RBFOX1: variants seen among roughly 807,000 people sequenced by gnomAD.
RBFOX1 encodes RNA binding protein fox-1 homolog 1.
RBFOX1 carries 8 observed loss-of-function variants against 57.7 expected under a neutral mutation model. The ratio of observed to expected loss-of-function variants is 0.14; its 90% CI spans 0.08 to 0.25. The LOEUF is 0.25. Among genes scored for constraint, RBFOX1 ranks in the 10% least tolerant of loss-of-function variants. The pLI is 1.00. For missense variants in RBFOX1, 611 were observed against 548.5 expected (o/e 1.11, Z -1.14); for synonymous variants, 326 against 222.4 (o/e 1.47, Z -4.15).
chr16:5,523,908 A>C (rs1175437668), intron 2 of RBFOX1, among the ~76,000 whole-genome samples: 1 of 152,188 alleles, frequency 6.6e-6, no homozygotes, highest in Non-Finnish European at 1.5e-5. Flanking sequence ...TCGGCTGCAC[A>C]GGGACGGACC....
intron 4 of RBFOX1, among the ~76,000 whole-genome samples, chr16:7,297,522 A>G (rs7202496): frequency 0.046 from 6,992 of 152,236 alleles, 377 homozygotes; most frequent in African/African-American, 0.14. Context: ...CTAAGGTGCT[A>G]TGTAGCTTAG....
chr16:7,654,861 T>A (rs1252431399), intron 12 of RBFOX1, among the ~76,000 whole-genome samples: 1 of 152,012 alleles, frequency 6.6e-6, no homozygotes, highest in African/African-American at 2.4e-5. Context: ...TTGGGTAGAG[T>A]CTAGGGATGT....
intron 4 of RBFOX1, among the ~76,000 whole-genome samples, chr16:7,369,973 C>G (rs184388630): frequency 2.4e-3 from 368 of 152,258 alleles, no homozygotes; most frequent in African/African-American, 8.4e-3. Flanking sequence ...TGTGTCAGAG[C>G]CTTGAGCTAG....
At chr16:5,892,536 G>C (rs755525421) in intron 4 of RBFOX1, among the ~76,000 whole-genome samples, 1 of 152,166 alleles carries the variant, frequency 6.6e-6, no homozygotes, top group Non-Finnish European at 1.5e-5. Context: ...AAGAGAAGGA[G>C]GTCATAAAGC....
chr16:7,040,103 C>G (rs901105650), intron 3 of RBFOX1, among the ~76,000 whole-genome samples: 2 of 151,914 alleles, frequency 1.3e-5, no homozygotes, highest in Non-Finnish European at 2.9e-5. Context: ...TCACTGCAAC[C>G]TCTGCCTCCC....
rs1250918040 is a variant in RBFOX1 at position 7,709,113 on chromosome 16, C to T, written c.1053C>T (p.Thr351=). 1.2e-6 allele frequency: 2 copies of T among 1,613,472 alleles called. No individual in the cohort carries two copies. Among genetic ancestry groups the T allele is most frequent in the Admixed American group, 3.3e-5 (2 of 59,934 alleles). The change falls in exon 15 of 16, where the codon ACC becomes ACT. Residue 351 remains threonine (T), a synonymous_variant. Coordinates refer to ENST00000550418, the MANE Select transcript of RBFOX1 (RefSeq NM_018723.4). The stretch of plus-strand genomic sequence containing the variant: ...ACCACGCACTTGCTCCAGCCCCCAC[C>T]TACGGCGTTGGTGCCATGGTGAGTA... ...PYHHALAPAP[T]YGVGAMNAFA...
intron 3 of RBFOX1, among the ~76,000 whole-genome samples, chr16:5,683,656 C>G (rs546127352): frequency 2.0e-5 from 3 of 151,984 alleles, no homozygotes; most frequent in East Asian, 1.9e-4. Context: ...CTTGGACTGT[C>G]TCTCCTTGCT....
intron 3 of RBFOX1, among the ~76,000 whole-genome samples, chr16:5,686,794 C>G (rs572106334): frequency 1.3e-5 from 2 of 152,086 alleles, no homozygotes; most frequent in South Asian, 4.2e-4. Context: ...ATTTGGCTAT[C>G]AATTAGTCAG....
chr16:6,686,624 C>T (rs1377204276), intron 3 of RBFOX1, among the ~76,000 whole-genome samples: 1 of 152,146 alleles, frequency 6.6e-6, no homozygotes, highest in Middle Eastern at 3.2e-3. Context: ...AGAGCTTCCC[C>T]CGAAAGCACA....
chr16:6,450,524 C>T (rs1038617201), intron 2 of RBFOX1, among the ~76,000 whole-genome samples: 3 of 151,186 alleles, frequency 2.0e-5, no homozygotes. Flanking sequence ...AAATGTTGGC[C>T]TCTACCCAGC....
intron 4 of RBFOX1, among the ~76,000 whole-genome samples, chr16:5,976,395 A>C (rs1045841090): frequency 2.0e-5 from 3 of 152,178 alleles, no homozygotes; most frequent in Non-Finnish European, 4.4e-5. Context: ...AGAAGAGCGG[A>C]ATAAACGCTA....
chr16:6,780,555 TAC>T (rs1442717710), intron 3 of RBFOX1, among the ~76,000 whole-genome samples: 11 of 114,252 alleles, frequency 9.6e-5, no homozygotes, highest in East Asian at 3.5e-4. Context: ...CATATATATT[TAC>T]ATATTTATAT....
intron 3 of RBFOX1, among the ~76,000 whole-genome samples, chr16:5,690,740 C>T (rs568902151): frequency 9.9e-5 from 15 of 152,164 alleles, no homozygotes; most frequent in Non-Finnish European, 1.8e-4. Context: ...GGGTGAGGGG[C>T]GCGTATGTCT....
At chr16:5,498,233 C>G (rs1248003141) in intron 2 of RBFOX1, among the ~76,000 whole-genome samples, 1 of 152,172 alleles carries the variant, frequency 6.6e-6, no homozygotes, top group Non-Finnish European at 1.5e-5. Flanking sequence ...ACTTCTGCTT[C>G]CCACGTTCAA....
chr16:6,347,527 C>T (rs149260299), intron 2 of RBFOX1, among the ~76,000 whole-genome samples: 61 of 152,194 alleles, frequency 4.0e-4, no homozygotes, highest in Non-Finnish European at 6.9e-4. Flanking sequence ...AATCATGGGG[C>T]GCTGTGGAGG....
At chr16:6,890,703 T>A (rs1181051658) in intron 3 of RBFOX1, among the ~76,000 whole-genome samples, 5 of 152,204 alleles carry the variant, frequency 3.3e-5, no homozygotes, top group African/African-American at 7.2e-5. Flanking sequence ...GATTTCCGTA[T>A]GAATAGCATA....
intron 1 of RBFOX1, among the ~76,000 whole-genome samples, chr16:5,376,031 G>A (rs1340713970): frequency 1.3e-5 from 2 of 152,090 alleles, no homozygotes; most frequent in African/African-American, 4.8e-5. Flanking sequence ...AGCCGGGCTT[G>A]GTGGTGGGTG....
At chr16:6,995,532 A>C (rs1412988371) in intron 3 of RBFOX1, among the ~76,000 whole-genome samples, 1 of 152,130 alleles carries the variant, frequency 6.6e-6, no homozygotes, top group Non-Finnish European at 1.5e-5. Context: ...TGGGAGGCCA[A>C]GGAGGGTGGA....
intron 4 of RBFOX1, among the ~76,000 whole-genome samples, chr16:7,158,541 CTGTG>C (rs1487554637): frequency 2.0e-5 from 3 of 151,914 alleles, no homozygotes; most frequent in South Asian, 2.1e-4. Flanking sequence ...TGTGTGTTTA[CTGTG>C]TGTATCTATG....
Sources: gnomAD v4.1 joint callset for allele counts (sites outside exome capture counted in the v4.1 genomes callset) on GRCh38, gnomAD v4.1.1 for gene constraint, MANE v1.5 for transcripts, NCBI Gene and HGNC (gene_info 2026-07-23, HGNC 2026-07-21) for gene names.